MET: variants seen among roughly 807,000 people sequenced by gnomAD.
MET encodes the protein hepatocyte growth factor receptor.
In MET, 48 loss-of-function variants were observed where a neutral mutation model predicts 133.1. That is an observed-to-expected ratio of 0.36 (90% CI 0.29 to 0.46). The LOEUF is 0.46. MET is among the 20% of genes least tolerant of loss of function. The pLI is 1.00. For synonymous variants in MET, 628 were observed against 616.5 expected, an observed-to-expected ratio of 1.02 and a Z score of -0.28; for missense variants, 1,442 against 1,695.9, an observed-to-expected ratio of 0.85 and a Z score of 2.63.
intron 2 of MET, among the ~76,000 whole-genome samples, chr7:116,731,066 C>T (rs762679588): frequency 2.0e-5 from 3 of 152,090 alleles, no homozygotes. Flanking sequence ...CTCTACTTTA[C>T]AGATTAGGGG....
At chr7:116,775,429 C>A (rs1332226306) in intron 15 of MET, among the ~76,000 whole-genome samples, 1 of 152,124 alleles carries the variant, frequency 6.6e-6, no homozygotes, top group Non-Finnish European at 1.5e-5. Context: ...CAGGGCCAGG[C>A]GCAGTGGCTC....
At chr7:116,680,493 G>A (rs912698292) in intron 1 of MET, among the ~76,000 whole-genome samples, 1 of 152,080 alleles carries the variant, frequency 6.6e-6, no homozygotes, top group African/African-American at 2.4e-5. Flanking sequence ...AAGGCCTGGA[G>A]GTTTAGATGG....
intron 2 of MET, among the ~76,000 whole-genome samples, chr7:116,707,638 C>A (rs983979332): frequency 6.6e-6 from 1 of 152,102 alleles, no homozygotes; most frequent in Non-Finnish European, 1.5e-5. Context: ...CATCTAGCAA[C>A]CAGTCTACTA....
chr7:116,729,602 A>G (rs367981289), intron 2 of MET, among the ~76,000 whole-genome samples: 4 of 152,302 alleles, frequency 2.6e-5, no homozygotes, highest in East Asian at 3.9e-4. Flanking sequence ...TCCTACACTT[A>G]TAGTTACATA....
chr7:116,786,432 T>C lies in MET; in HGVS notation c.3798+2963T>C, dbSNP rs981460007. Reference sequence around the variant, plus strand: ...TTATTCAGTAGTCCAAAAGCAATTATTCAACTACATATATAAAGTGAAAGA... The same window carrying C: ...TTATTCAGTAGTCCAAAAGCAATTACTCAACTACATATATAAAGTGAAAGA... On this transcript the variant is annotated intron_variant, in intron 19 of 20. Coordinates refer to ENST00000397752, the MANE Select transcript of MET (RefSeq NM_000245.4). Among the ~76,000 whole-genome samples the C allele has an allele frequency of 2.6e-5, 4 of 152,300 alleles. No homozygotes were observed. The East Asian group carries it at 7.7e-4, about 29-fold the overall frequency.
In MET at chr7:116,771,609, C is replaced by T. The variant is rs2116992741; in HGVS notation, c.2842C>T (p.Leu948=). 6.2e-7 allele frequency: 1 copy of T among 1,613,902 alleles called. No individual in the cohort carries two copies. The highest frequency in any genetic ancestry group is 8.5e-7 in the Non-Finnish European group (1 of 1,179,838). The change falls in exon 13 of 21, where the codon CTA becomes TTA. Residue 948 remains leucine (L), a synonymous_variant. Coordinates refer to ENST00000397752, the MANE Select transcript of MET (RefSeq NM_000245.4). The part of the protein sequence containing the change: ...VVSISTALLL[L]LGFFLWLKKR... ...CTCAATATCAACAGCACTGTTATTA[C>T]TACTTGGGTTTTTCCTGTGGCTGAA... is the stretch of plus-strand genomic sequence containing the variant.
At chr7:116,773,165 A>G (rs1207377119) in intron 14 of MET, among the ~76,000 whole-genome samples, 1 of 152,158 alleles carries the variant, frequency 6.6e-6, no homozygotes, top group Admixed American at 6.6e-5. Context: ...TCTTTTCTCC[A>G]TTGAGCCTGC....
At chr7:116,754,893 G>GAGAAAGATAGAA (rs1794071292) in intron 5 of MET, among the ~76,000 whole-genome samples, 7 of 97,446 alleles carry the variant, frequency 7.2e-5, no homozygotes, top group Admixed American at 4.9e-4. Flanking sequence ...GAGAGAAAGA[G>GAGAAAGATAGAA]AGAAAGAAAG....
rs1364233542 is a variant in MET, at chr7:116,754,656, GA to G, written c.1702-687del. On this transcript the variant is annotated intron_variant, in intron 5 of 20. Coordinates refer to ENST00000397752, the MANE Select transcript of MET (RefSeq NM_000245.4). ...GCAACGTAGTGAGACCCTGTCTCTA[GA>G]AAAAAAAAAAATAGCCAAGCATGGT... Among the ~76,000 whole-genome samples, 279 of 139,584 alleles carry G rather than the reference GA, an allele frequency of 2.0e-3. 1 individual carries two copies. The highest frequency in any genetic ancestry group is 2.6e-3 in the Non-Finnish European group (164 of 64,054). The allele number at this position is 139,584 out of a possible 152,430, so 91.6% of individuals were successfully genotyped here.
chr7:116,789,745 G>A (rs1261456064), intron 19 of MET, among the ~76,000 whole-genome samples: 4 of 152,228 alleles, frequency 2.6e-5, no homozygotes, highest in South Asian at 2.1e-4. Context: ...TAGTAGTAAC[G>A]TATCAGTAAT....
In MET at chr7:116,699,667, T is replaced by C; in HGVS notation, c.583T>C (p.Phe195Leu). ...ATCTGTAAAGGACCGGTTCATCAAC[T>C]TCTTTGTAGGCAATACCATAAATTC... ...LSSVKDRFIN[F>L]FVGNTINSSY... Residue 195 changes from phenylalanine (F) to leucine (L), a missense_variant, in exon 2 of 21, where the codon TTC becomes CTC. By Grantham distance (22) the Phe-to-Leu change is conservative. Transcript: ENST00000397752. 6.2e-7 allele frequency: 1 copy of C among 1,614,058 alleles called. No individual in the cohort carries two copies. Among genetic ancestry groups the C allele is most frequent in the Non-Finnish European group, 8.5e-7 (1 of 1,179,982 alleles).
intron 1 of MET, chr7:116,695,724 G>A (rs1240763462): frequency 2.1e-6 from 1 of 473,294 alleles, no homozygotes. Flanking sequence ...TAGAAGAGAA[G>A]GATAATAATA....
intron 1 of MET, among the ~76,000 whole-genome samples, chr7:116,688,275 T>C (rs1796631871): frequency 6.6e-6 from 1 of 152,174 alleles, no homozygotes; most frequent in Non-Finnish European, 1.5e-5. Context: ...TTCTCAAATG[T>C]GATTTGCGGA....
chr7:116,746,419 C>T (rs546688682), intron 5 of MET, among the ~76,000 whole-genome samples: 1 of 152,252 alleles, frequency 6.6e-6, no homozygotes, highest in East Asian at 1.9e-4. Flanking sequence ...ACCCAGCTGT[C>T]CCATTACTGG....
intron 3 of MET, among the ~76,000 whole-genome samples, chr7:116,732,805 C>G (rs1323083590): frequency 6.6e-6 from 1 of 151,922 alleles, no homozygotes; most frequent in East Asian, 1.9e-4. Context: ...TTTTTAATTA[C>G]CACTCTCTTT....
At chr7:116,735,608 A>G (rs1793181230) in intron 3 of MET, among the ~76,000 whole-genome samples, 1 of 152,134 alleles carries the variant, frequency 6.6e-6, no homozygotes, top group South Asian at 2.1e-4. Flanking sequence ...CAATGTTGTG[A>G]ACATCTGGCA....
At chr7:116,772,804 A>C (rs538013359) in intron 14 of MET, among the ~76,000 whole-genome samples, 2 of 152,340 alleles carry the variant, frequency 1.3e-5, no homozygotes, top group East Asian at 3.9e-4. Flanking sequence ...TTAACATTTT[A>C]ACATTTTCAA....
chr7:116,755,313 A>C (rs1336252627), intron 5 of MET, 42 bp from the exon 6 acceptor site: 1 of 1,602,372 alleles, frequency 6.2e-7, no homozygotes. Flanking sequence ...GAAAAATTAT[A>C]ATATATTGGG....
At chr7:116,770,655 T>C (rs917221635) in intron 12 of MET, among the ~76,000 whole-genome samples, 1 of 152,180 alleles carries the variant, frequency 6.6e-6, no homozygotes, top group Admixed American at 6.5e-5. Flanking sequence ...AGATATTTCA[T>C]GTGAGTGGAA....
Sources: gnomAD v4.1 joint callset for allele counts (sites outside exome capture counted in the v4.1 genomes callset) on GRCh38, gnomAD v4.1.1 for gene constraint, MANE v1.5 for transcripts, NCBI Gene and HGNC (gene_info 2026-07-23, HGNC 2026-07-21) for gene names.